Variants in MED1 observed in about 807,000 individuals in gnomAD.
MED1 encodes mediator complex subunit 1, also known as mediator of RNA polymerase II transcription subunit 1.
MED1 carries 17 observed loss-of-function variants against 121.3 expected under a neutral mutation model. The ratio of observed to expected loss-of-function variants is 0.14; its 90% CI spans 0.10 to 0.21. The LOEUF (loss-of-function observed/expected upper bound fraction) is 0.21. Among genes scored for constraint, MED1 ranks in the 10% least tolerant of loss-of-function variants. MED1 has a pLI of 1.00. For missense variants in MED1, 1,558 were observed against 1,919.4 expected (o/e 0.81, Z 3.52); for synonymous variants, 661 against 694.4 (o/e 0.95, Z 0.76).
At chr17:39,428,301 G>T (rs2048533885) in intron 9 of MED1, among the ~76,000 whole-genome samples, 1 of 152,088 alleles carries the variant, frequency 6.6e-6, no homozygotes, top group Admixed American at 6.6e-5. Flanking sequence ...TGACTAACAT[G>T]GTGAAACCCC....
chr17:39,412,887 G>A (rs536593806), intron 16 of MED1, among the ~76,000 whole-genome samples: 25 of 152,204 alleles, frequency 1.6e-4, no homozygotes, highest in African/African-American at 5.5e-4. Flanking sequence ...TGTAGGTCTT[G>A]TTTCCTGTTC....
Position 39,410,284 on chromosome 17 carries a change from A to C in MED1, c.1937T>G (p.Met646Arg). The C allele has an allele frequency of 6.2e-7, 1 of 1,613,818 alleles. No homozygotes were observed. Among genetic ancestry groups the C allele is most frequent in the Non-Finnish European group, 8.5e-7 (1 of 1,179,956 alleles). Residue 646 changes from methionine to arginine, a missense_variant, in exon 17 of 17, where the codon ATG becomes AGG. Physicochemically the swap from Met to Arg is moderately conservative, Grantham distance 91 (BLOSUM62 -1). Around this residue, in one of 5 missense-constraint regions of MED1, gnomAD observed 793 missense variants for 898.2 expected, o/e 0.88. Transcript: ENST00000300651. Reference protein sequence around the residue: ...AGNTKNHPMLMNLLKDNPAQD... With the variant: ...AGNTKNHPMLRNLLKDNPAQD... ...GGCAGGATTATCTTTAAGAAGGTTCATGAGCATCGGGTGGTTCTTGGTGTT... is the reference window on the plus strand; with the variant it reads ...GGCAGGATTATCTTTAAGAAGGTTCCTGAGCATCGGGTGGTTCTTGGTGTT...
At chr17:39,431,263 A>T in intron 8 of MED1, 75 bp from the exon 9 acceptor site, 5 of 1,179,038 alleles carry the variant, frequency 4.2e-6, no homozygotes, top group Admixed American at 2.2e-5. Context: ...TATTGAGTTC[A>T]CCTCTCCGAA....
rs2048648522 is a variant in MED1, at chr17:39,439,161, T to C, written c.428+4A>G. The C allele has an allele frequency of 1.3e-6, 2 of 1,593,768 alleles. No homozygotes were observed. Among genetic ancestry groups the C allele is most frequent in the East Asian group, 2.3e-5 (1 of 44,362 alleles). On this transcript the variant is annotated splice_donor_region_variant and intron_variant, in intron 6 of 16. Transcript: ENST00000300651. ...ATCAAGGAATATAAATCGTATTTGC[T>C]CACCTTAGCTGCTGTACAAGCTCCG... is the stretch of plus-strand genomic sequence containing the variant.
chr17:39,423,361 G>A lies in MED1; in HGVS notation c.1061C>T (p.Pro354Leu). Residue 354 changes from proline to leucine, a missense_variant, in exon 13 of 17, where the codon CCC (proline) becomes CTC (leucine). By Grantham distance (98) the Pro-to-Leu change is moderately conservative. Transcript: ENST00000300651. ...TCTCATGTTGTGATTCAAAGGTATG[G>A]GGTCAGGGTCCTTTGATAGCTCAAA... ...TQFELSKDPD[P>L]IPLNHNMRFY... 1.2e-6 allele frequency: 2 copies of A among 1,612,986 alleles called. No homozygotes were observed. Among genetic ancestry groups the A allele is most frequent in the East Asian group, 4.5e-5 (2 of 44,874 alleles).
Position 39,446,104 on chromosome 17 carries a change from G to C in MED1, c.132+1694C>G, listed in dbSNP as rs373369001. 2.0e-5 allele frequency among the ~76,000 whole-genome samples: 3 copies of C among 151,666 alleles called. No individual in the cohort carries two copies. The South Asian group carries it at 6.3e-4, about 32-fold the overall frequency. On this transcript the variant is annotated intron_variant, in intron 2 of 16. Coordinates refer to ENST00000300651, the MANE Select transcript of MED1 (RefSeq NM_004774.4). ...AATCCTAACACTTTGGGAGGCCAAAGTGGGTGGATCACTTGAGCCCACAAG... is the reference window on the plus strand; with the variant it reads ...AATCCTAACACTTTGGGAGGCCAAACTGGGTGGATCACTTGAGCCCACAAG...
chr17:39,422,232 T>C (rs1316097645), intron 13 of MED1, among the ~76,000 whole-genome samples: 3 of 151,428 alleles, frequency 2.0e-5, no homozygotes, highest in Non-Finnish European at 4.4e-5. Context: ...GGTGCGATCT[T>C]GGCTCACTGC....
chr17:39,410,236 C>G lies in MED1; in HGVS notation c.1985G>C (p.Gly662Ala). The G allele has an allele frequency of 6.2e-7, 1 of 1,613,820 alleles. No individual in the cohort carries two copies. Among genetic ancestry groups the G allele is most frequent in the Non-Finnish European group, 8.5e-7 (1 of 1,179,984 alleles). ...NPAQDFSTLY[G>A]SSPLERQNSS... ...GTTCTGCCTTTCTAAAGGGCTGCTT[C>G]CATAAAGGGTTGAGAAATCCTGGGC... is the stretch of plus-strand genomic sequence containing the variant. The change falls in exon 17 of 17, where the codon GGA (glycine) becomes GCA (alanine). Residue 662 changes from glycine (G) to alanine (A), a missense_variant. Around this residue, in one of 5 missense-constraint regions of MED1, gnomAD observed 793 missense variants for 898.2 expected, o/e 0.88. Transcript: ENST00000300651.
At chr17:39,417,623 C>T (rs185668334) in intron 14 of MED1, among the ~76,000 whole-genome samples, 192 of 152,098 alleles carry the variant, frequency 1.3e-3, no homozygotes, top group Non-Finnish European at 2.2e-3. Flanking sequence ...AGCGAGACTC[C>T]GTCTCAAAAA....
rs755343121 is a variant in MED1, at chr17:39,447,809, G to A, written c.121C>T (p.Arg41Cys). 2.5e-6 allele frequency: 4 copies of A among 1,610,852 alleles called. No individual in the cohort carries two copies. The African/African-American group carries it at 4.0e-5, about 16-fold the overall frequency. Reference protein sequence around the residue: ...RPWSETIKLVRQVMEKRVVMS... With the variant: ...RPWSETIKLVCQVMEKRVVMS... ...ACCACAATCCTTACCATGACTTGAC[G>A]CACAAGCTTAATGGTTTCACTCCAG... Residue 41 changes from arginine to cysteine, a missense_variant, in exon 2 of 17, where the codon CGT (arginine) becomes TGT (cysteine). Transcript: ENST00000300651.
At chr17:39,421,914 G>A (rs1307067981) in intron 13 of MED1, among the ~76,000 whole-genome samples, 8 of 151,728 alleles carry the variant, frequency 5.3e-5, no homozygotes, top group South Asian at 2.1e-4. Context: ...GGATCACGAG[G>A]TCAGGAGATC....
Position 39,405,678 on chromosome 17 carries a change from A to G in MED1, c.*1797T>C. ...ATAACTTTTCTTGCTCCACTTTACAATGTTTTGTTTCCTACATCTTATTAC... is the reference window on the plus strand; with the variant it reads ...ATAACTTTTCTTGCTCCACTTTACAGTGTTTTGTTTCCTACATCTTATTAC... On this transcript the variant is annotated 3_prime_UTR_variant, in exon 17 of 17. Coordinates refer to ENST00000300651, the MANE Select transcript of MED1 (RefSeq NM_004774.4). 9.9e-7 allele frequency: 1 copy of G among 1,013,654 alleles called. No individual in the cohort carries two copies. The highest frequency in any genetic ancestry group is 1.2e-6 in the Non-Finnish European group (1 of 847,772). The allele number at this position is 1,013,654 out of a possible 1,614,324, so 62.8% of individuals were successfully genotyped here.
chr17:39,450,891 T>C lies in MED1; in HGVS notation c.25+147A>G, dbSNP rs550884129. 291 of 628,944 alleles carry C rather than the reference T, an allele frequency of 4.6e-4. 3 individuals are homozygous for C. The African/African-American group carries it at 4.9e-3, about 11-fold the overall frequency. 39.0% of individuals were successfully genotyped at this position (628,944 alleles called of 1,614,324 possible). ...AGCTCTATAATCACCAAGGAGGGTATAGTGACAATCTAAAACTAATACACA... is the reference window on the plus strand; with the variant it reads ...AGCTCTATAATCACCAAGGAGGGTACAGTGACAATCTAAAACTAATACACA... On this transcript the variant is annotated intron_variant, in intron 1 of 16. Coordinates refer to ENST00000300651, the MANE Select transcript of MED1 (RefSeq NM_004774.4).
intron 2 of MED1, 132 bp from the exon 3 acceptor site, chr17:39,443,760 G>A (rs1056612142): frequency 1.5e-6 from 1 of 688,052 alleles, no homozygotes; most frequent in Non-Finnish European, 2.5e-6. Context: ...AGATTTTGTA[G>A]ACTATATAGA....
rs2048778976 is a variant in MED1, at chr17:39,451,155, G to A, written c.-93C>T. On this transcript the variant is annotated 5_prime_UTR_variant, in exon 1 of 17. Coordinates refer to ENST00000300651, the MANE Select transcript of MED1 (RefSeq NM_004774.4). ...ACAAGTTGGCTCGGGATCCCGGGAC[G>A]CAGGGCACCAGCAGTCCCTACTCTT... 2 of 1,424,408 alleles carry A rather than the reference G, an allele frequency of 1.4e-6. No individual in the cohort carries two copies. The highest frequency in any genetic ancestry group is 2.0e-6 in the Non-Finnish European group (2 of 1,015,744). 88.2% of individuals were successfully genotyped at this position (1,424,408 alleles called of 1,614,324 possible). A position where few individuals can be genotyped will look rare whatever the true frequency, so the allele number is the denominator to read the frequency against.
chr17:39,427,608 G>T, intron 10 of MED1, 93 bp downstream of exon 10: 1 of 868,420 alleles, frequency 1.2e-6, no homozygotes, highest in Non-Finnish European at 1.8e-6. Flanking sequence ...AAATGGTAAG[G>T]TCAACAAACT....
At position 39,432,027 on chromosome 17, in the gene MED1, G is replaced by A. The variant is rs2048569385; in HGVS notation, c.501-11C>T. 1.3e-6 allele frequency: 2 copies of A among 1,583,438 alleles called. No homozygotes were observed. The highest frequency in any genetic ancestry group is 1.7e-5 in the Admixed American group (1 of 59,852). On this transcript the variant is annotated splice_polypyrimidine_tract_variant and intron_variant, in intron 7 of 16. Transcript: ENST00000300651. ...TTAGTCTTCAGTTTGCTGGAGAGTA[G>A]ATGAGAAGAACATGAGTTAATAGTT...
Position 39,431,588 on chromosome 17 carries a change from A to C in MED1, c.575+354T>G, listed in dbSNP as rs188848143. Reference sequence around the variant, plus strand: ...GCCACCGCGCCCAGCCCAAAGTCTTATAATACTATCATAATGGTTCTGTCT... The same window carrying C: ...GCCACCGCGCCCAGCCCAAAGTCTTCTAATACTATCATAATGGTTCTGTCT... On this transcript the variant is annotated intron_variant, in intron 8 of 16. Transcript: ENST00000300651. 2.6e-3 allele frequency among the ~76,000 whole-genome samples: 389 copies of C among 152,308 alleles called. 1 individual carries two copies. Among genetic ancestry groups the C allele is most frequent in the Admixed American group, 5.6e-3 (85 of 15,276 alleles).
Position 39,410,017 on chromosome 17 carries a change from G to A in MED1, c.2204C>T (p.Thr735Met), listed in dbSNP as rs758789907. The A allele has an allele frequency of 1.2e-5, 20 of 1,614,018 alleles. No individual in the cohort carries two copies. The highest frequency in any genetic ancestry group is 2.2e-5 in the East Asian group (1 of 44,900). ...GCTTGGAGCTGGAGTGATGTGTGGC[G>A]TATCCAGCGTGTCAGCTGTCATGTT... ...DVNMTADTLD[T>M]PHITPAPSQC... The change falls in exon 17 of 17, where the codon ACG (threonine) becomes ATG (methionine). Residue 735 changes from threonine (T) to methionine (M), a missense_variant. Coordinates refer to ENST00000300651, the MANE Select transcript of MED1 (RefSeq NM_004774.4).
Sources: allele counts gnomAD v4.1 joint callset (sites outside exome capture counted in the v4.1 genomes callset), GRCh38; gene constraint gnomAD v4.1.1; regional missense constraint gnomAD v4.1.1; transcripts MANE v1.5; gene names NCBI Gene and HGNC (gene_info 2026-07-23, HGNC 2026-07-21).